Variants in TBL1XR1 observed in about 807,000 individuals in gnomAD.
The protein encoded by TBL1XR1 is F-box-like/WD repeat-containing protein TBL1XR1.
A neutral mutation model predicts 66.9 loss-of-function variants in TBL1XR1; 5 were observed. The observed-to-expected ratio is 0.07, with a 90% confidence interval of 0.04 to 0.16. The LOEUF is 0.16. Ranked by LOEUF, TBL1XR1 falls within the 10% of genes least tolerant of loss-of-function variation. The probability of loss-of-function intolerance (pLI) is 1.00; values close to 1 mark genes in which losing one functional copy is unlikely to be tolerated. For synonymous variants in TBL1XR1, 210 were observed against 206.0 expected (o/e 1.02, Z -0.17); for missense variants, 238 against 623.2 (o/e 0.38, Z 6.58).
At chr3:177,067,064 C>T (rs1181034799) in intron 2 of TBL1XR1, among the ~76,000 whole-genome samples, 1 of 152,166 alleles carries the variant, frequency 6.6e-6, no homozygotes, top group African/African-American at 2.4e-5. Context: ...AATGTTCTGG[C>T]AGGACACCTT....
chr3:177,147,325 AG>A (rs1239737712), intron 1 of TBL1XR1, among the ~76,000 whole-genome samples: 1 of 152,168 alleles, frequency 6.6e-6, no homozygotes, highest in Admixed American at 6.5e-5. Context: ...CTGGGATTAC[AG>A]GGATGAGCCA....
chr3:177,179,117 C>CAAAAAAAA (rs71178099), intron 1 of TBL1XR1, among the ~76,000 whole-genome samples: 4 of 107,444 alleles, frequency 3.7e-5, no homozygotes, highest in African/African-American at 8.5e-5. Flanking sequence ...AACTACGTCT[C>CAAAAAAAA]AAAAAAAAAA....
intron 1 of TBL1XR1, among the ~76,000 whole-genome samples, chr3:177,166,226 A>T (rs1560251848): frequency 6.6e-6 from 1 of 152,174 alleles, no homozygotes; most frequent in Non-Finnish European, 1.5e-5. Context: ...CATCTCTAAA[A>T]ATAATAACAA....
chr3:177,162,490 G>C (rs1258102835), intron 1 of TBL1XR1, among the ~76,000 whole-genome samples: 1 of 152,186 alleles, frequency 6.6e-6, no homozygotes, highest in African/African-American at 2.4e-5. Context: ...ACAGAAATTA[G>C]AAAACTGATT....
intron 2 of TBL1XR1, among the ~76,000 whole-genome samples, chr3:177,077,125 C>G (rs1331632265): frequency 6.6e-6 from 1 of 152,180 alleles, no homozygotes; most frequent in Non-Finnish European, 1.5e-5. Context: ...GTATTGTAAA[C>G]CAGTAAAACT....
chr3:177,153,720 T>G (rs1267288092), intron 1 of TBL1XR1, among the ~76,000 whole-genome samples: 1 of 151,500 alleles, frequency 6.6e-6, no homozygotes, highest in African/African-American at 2.4e-5. Context: ...AAACCCCTAC[T>G]AAAAAAATTA....
chr3:177,196,743 CA>C (rs2109028449), intron 1 of TBL1XR1, among the ~76,000 whole-genome samples: 1 of 28,378 alleles, frequency 3.5e-5, no homozygotes, highest in African/African-American at 1.0e-4. Flanking sequence ...CCTCCCCCCC[CA>C]AACACACACG....
chr3:177,079,707 C>A (rs1168975437), intron 2 of TBL1XR1: 2 of 148,664 alleles, frequency 1.3e-5, no homozygotes, highest in African/African-American at 5.0e-5. Context: ...TCTATATAAT[C>A]AATTAAAATA....
At chr3:177,161,231 C>T (rs1030098934) in intron 1 of TBL1XR1, among the ~76,000 whole-genome samples, 7 of 152,026 alleles carry the variant, frequency 4.6e-5, no homozygotes, top group African/African-American at 1.7e-4. Flanking sequence ...TTAGATAACC[C>T]CTGTGCCAGT....
chr3:177,112,089 ATATATATATATATATATATT>A (rs1218643840), intron 1 of TBL1XR1, among the ~76,000 whole-genome samples: 11 of 43,964 alleles, frequency 2.5e-4, no homozygotes, highest in African/African-American at 1.7e-3. Context: ...ATATATATAT[ATATATATATATATATATATT>A]TTTTTTTTTT....
chr3:177,074,360 G>T (rs1200303409), intron 2 of TBL1XR1, among the ~76,000 whole-genome samples: 2 of 152,140 alleles, frequency 1.3e-5, no homozygotes, highest in Non-Finnish European at 2.9e-5. Flanking sequence ...ATAAGATAGG[G>T]TTTTCCTTCT....
chr3:177,139,497 T>G (rs1729379484), intron 1 of TBL1XR1, among the ~76,000 whole-genome samples: 1 of 149,810 alleles, frequency 6.7e-6, no homozygotes, highest in South Asian at 2.1e-4. Flanking sequence ...ATCACACCAC[T>G]GTACTCCAGC....
intron 1 of TBL1XR1, among the ~76,000 whole-genome samples, chr3:177,179,659 TTTAAATTCTACCA>T (rs1734575496): frequency 6.6e-6 from 1 of 152,194 alleles, no homozygotes; most frequent in South Asian, 2.1e-4. Flanking sequence ...AACCAAGACC[TTTAAATTCTACCA>T]TGTGCATTCA....
At chr3:177,037,960 T>C (rs1479432306) in intron 12 of TBL1XR1, 138 bp downstream of exon 12, 6 of 648,298 alleles carry the variant, frequency 9.3e-6, no homozygotes, top group Non-Finnish European at 1.6e-5. Context: ...AAACAATGGT[T>C]AGCCATTTAA....
At chr3:177,095,327 C>G (rs1723336283) in intron 2 of TBL1XR1, among the ~76,000 whole-genome samples, 4 of 151,900 alleles carry the variant, frequency 2.6e-5, no homozygotes, top group Admixed American at 2.6e-4. Context: ...TCAGCCTGGG[C>G]AACAGGGTAG....
chr3:177,101,248 G>A (rs576612115), intron 1 of TBL1XR1, among the ~76,000 whole-genome samples: 5 of 152,192 alleles, frequency 3.3e-5, no homozygotes, highest in South Asian at 4.1e-4. Context: ...TACTGGCTCC[G>A]CCATTGGCTT....
chr3:177,117,945 G>GT (rs1726509353), intron 1 of TBL1XR1, among the ~76,000 whole-genome samples: 1 of 152,156 alleles, frequency 6.6e-6, no homozygotes, highest in Non-Finnish European at 1.5e-5. Context: ...ATGCAAGGTA[G>GT]TAAGAAATCA....
chr3:177,093,595 A>G (rs1271136732), intron 2 of TBL1XR1, among the ~76,000 whole-genome samples: 1 of 152,232 alleles, frequency 6.6e-6, no homozygotes, highest in Non-Finnish European at 1.5e-5. Context: ...ATAGTCACCA[A>G]AACAGCATGA....
chr3:177,031,821 G>A lies in TBL1XR1; in HGVS notation c.1416+1150C>T, dbSNP rs1406733830. ...TTATTAAAATGTAATGTAAGATTCA[G>A]GCTTAATAATCATTTGTTCAACTAG... On this transcript the variant is annotated intron_variant, in intron 14 of 15. Transcript: ENST00000457928. Among the ~76,000 whole-genome samples the A allele has an allele frequency of 5.9e-5, 9 of 151,662 alleles. No homozygotes were observed. In the East Asian group the frequency reaches 9.7e-4, roughly 16 times the overall value.
Sources: allele counts gnomAD v4.1 joint callset (sites outside exome capture counted in the v4.1 genomes callset), GRCh38; gene constraint gnomAD v4.1.1; transcripts MANE v1.5; gene names NCBI Gene and HGNC (gene_info 2026-07-23, HGNC 2026-07-21).